The following SHC4 variants were observed in gnomAD, a reference collection of about 807,000 sequenced individuals.
SHC4 encodes SHC-transforming protein 4.
In SHC4, 41 loss-of-function variants were observed where a neutral mutation model predicts 69.4. That is an observed-to-expected ratio of 0.59 (90% CI 0.46 to 0.77). SHC4 has a LOEUF of 0.77. Ranked by LOEUF, SHC4 falls within the 30% of genes least tolerant of loss-of-function variation. The probability of loss-of-function intolerance (pLI) is 0.00; values close to 1 mark genes in which losing one functional copy is unlikely to be tolerated. For synonymous variants in SHC4, 318 were observed against 299.3 expected, an observed-to-expected ratio of 1.06 and a Z score of -0.64; for missense variants, 777 against 783.8, an observed-to-expected ratio of 0.99 and a Z score of 0.10.
chr15:48,890,977 T>G (rs941637563), intron 2 of SHC4, among the ~76,000 whole-genome samples, 166 bp from the exon 3 acceptor site: 2 of 152,200 alleles, frequency 1.3e-5, no homozygotes, highest in African/African-American at 4.8e-5. Context: ...CTGTACTTAC[T>G]CCTTCTGCAG....
At chr15:48,862,850 CCT>C (rs1402641711) in intron 6 of SHC4, among the ~76,000 whole-genome samples, 2 of 152,102 alleles carry the variant, frequency 1.3e-5, no homozygotes, top group East Asian at 1.9e-4. Flanking sequence ...CCTCCTGTCC[CCT>C]GACTACTCCT....
At position 48,826,028 on chromosome 15, in the gene SHC4, G is replaced by C. The variant is rs1028234486; in HGVS notation, c.1836C>G (p.Ser612Arg). The C allele has an allele frequency of 6.2e-7, 1 of 1,613,920 alleles. No individual in the cohort carries two copies. The highest frequency in any genetic ancestry group is 1.7e-4 in the Middle Eastern group (1 of 6,054). Residue 612 changes from serine (S) to arginine (R), a missense_variant, in exon 12 of 12, where the codon AGC (serine) becomes AGG (arginine). Ser to Arg is a moderately radical substitution (Grantham distance 110). Transcript: ENST00000332408. ...LPIISSGSEV[S>R]LKQPVRKDNN... ...TATCTTTTCTCACTGGTTGTTTAAG[G>C]CTTACTTCGCTTCCAGAGGAGATGA...
intron 2 of SHC4, among the ~76,000 whole-genome samples, chr15:48,902,237 A>G (rs1158979165): frequency 6.6e-6 from 1 of 151,956 alleles, no homozygotes; most frequent in African/African-American, 2.4e-5. Flanking sequence ...GTCTAACCTA[A>G]TTTGTACAAC....
chr15:48,861,150 A>G (rs1899432607), intron 6 of SHC4, among the ~76,000 whole-genome samples: 1 of 152,296 alleles, frequency 6.6e-6, no homozygotes, highest in East Asian at 1.9e-4. Flanking sequence ...TATTATAGAG[A>G]CAGGTGTCTC....
At chr15:48,851,043 C>G (rs1201837691) in intron 9 of SHC4, 145 bp downstream of exon 9, 7 of 681,542 alleles carry the variant, frequency 1.0e-5, no homozygotes, top group Admixed American at 8.6e-5. Flanking sequence ...CTGGGCCTAT[C>G]TGAGAAGCCT....
intron 2 of SHC4, among the ~76,000 whole-genome samples, chr15:48,919,968 A>G (rs1900714340): frequency 1.3e-5 from 2 of 151,242 alleles, no homozygotes; most frequent in African/African-American, 2.4e-5. Flanking sequence ...ACCTTTTACT[A>G]TTTACAAAAT....
At chr15:48,901,912 T>G (rs992221652) in intron 2 of SHC4, among the ~76,000 whole-genome samples, 1 of 152,178 alleles carries the variant, frequency 6.6e-6, no homozygotes, top group African/African-American at 2.4e-5. Context: ...CTTTAAGAAC[T>G]GGGTCTAGGC....
At chr15:48,852,209 G>T (rs769329997) in intron 8 of SHC4, among the ~76,000 whole-genome samples, 2 of 152,146 alleles carry the variant, frequency 1.3e-5, no homozygotes, top group Non-Finnish European at 2.9e-5. Flanking sequence ...GTACACAAGT[G>T]GCCTGCCAGA....
chr15:48,926,054 T>C (rs1379393591), intron 1 of SHC4, among the ~76,000 whole-genome samples: 1 of 151,968 alleles, frequency 6.6e-6, no homozygotes, highest in Non-Finnish European at 1.5e-5. Context: ...GATGAATTGG[T>C]TTGGGAGCTG....
intron 4 of SHC4, among the ~76,000 whole-genome samples, chr15:48,883,075 A>C (rs1444511124): frequency 6.6e-6 from 1 of 152,212 alleles, no homozygotes; most frequent in Non-Finnish European, 1.5e-5. Flanking sequence ...TTAGAAAATA[A>C]AATAGACCTC....
At chr15:48,831,306 G>A (rs776664568) in intron 11 of SHC4, among the ~76,000 whole-genome samples, 1 of 152,056 alleles carries the variant, frequency 6.6e-6, no homozygotes, top group Admixed American at 6.5e-5. Context: ...TGTTTATAAA[G>A]TGTGCAGTAG....
At position 48,838,902 on chromosome 15, in the gene SHC4, T is replaced by A. The variant is rs559096812; in HGVS notation, c.1484-3880A>T. Among the ~76,000 whole-genome samples, 5 of 152,138 alleles carry A rather than the reference T, an allele frequency of 3.3e-5. No homozygotes were observed. In the South Asian group the frequency reaches 8.3e-4, roughly 25 times the overall value. ...GTCAAGGGGAATAAATATTTTATTA[T>A]GAAAATAAAACTATGAAGCCAATAT... is the stretch of plus-strand genomic sequence containing the variant. On this transcript the variant is annotated intron_variant, in intron 10 of 11. Coordinates refer to ENST00000332408, the MANE Select transcript of SHC4 (RefSeq NM_203349.4).
At chr15:48,837,771 A>G (rs1362076896) in intron 10 of SHC4, among the ~76,000 whole-genome samples, 1 of 152,210 alleles carries the variant, frequency 6.6e-6, no homozygotes, top group East Asian at 1.9e-4. Flanking sequence ...CAGACCTTCA[A>G]GAAAGCACAG....
At chr15:48,852,831 G>C (rs1595732368) in intron 8 of SHC4, among the ~76,000 whole-genome samples, 1 of 152,010 alleles carries the variant, frequency 6.6e-6, no homozygotes, top group East Asian at 1.9e-4. Context: ...GAACCTGGGA[G>C]GCGGAGGTTG....
At chr15:48,895,214 C>T (rs963174857) in intron 2 of SHC4, among the ~76,000 whole-genome samples, 4 of 152,238 alleles carry the variant, frequency 2.6e-5, no homozygotes, top group Admixed American at 2.6e-4. Flanking sequence ...ACTTTACCCT[C>T]ATTTTACCAA....
chr15:48,934,139 G>GA (rs1901023941), intron 1 of SHC4, among the ~76,000 whole-genome samples: 1 of 151,958 alleles, frequency 6.6e-6, no homozygotes, highest in African/African-American at 2.4e-5. Flanking sequence ...AGAAGAAAGT[G>GA]AAAAAACCAC....
chr15:48,864,524 T>G (rs991306832), intron 6 of SHC4, among the ~76,000 whole-genome samples: 1 of 136,356 alleles, frequency 7.3e-6, no homozygotes, highest in Non-Finnish European at 1.5e-5. Context: ...CTTGGCTCAC[T>G]GCAAGCTCCG....
At chr15:48,921,685 C>T (rs1003537991) in intron 2 of SHC4, among the ~76,000 whole-genome samples, 4 of 152,024 alleles carry the variant, frequency 2.6e-5, no homozygotes, top group Non-Finnish European at 5.9e-5. Context: ...TTTTCATCTT[C>T]GGGAAGATGA....
chr15:48,857,760 T>C lies in SHC4; in HGVS notation c.1002A>G (p.Ile334Met), dbSNP rs367824536. 2 of 1,606,284 alleles carry C rather than the reference T, an allele frequency of 1.2e-6. No homozygotes were observed. Among genetic ancestry groups the C allele is most frequent in the Non-Finnish European group, 1.7e-6 (2 of 1,175,252 alleles). Residue 334 changes from isoleucine to methionine, a missense_variant, in exon 7 of 12, where the codon ATA becomes ATG. Ile to Met is a conservative substitution (Grantham distance 10, BLOSUM62 1). Coordinates refer to ENST00000332408, the MANE Select transcript of SHC4 (RefSeq NM_203349.4). ...TAAACCGGAGTTCAAAAGCCTGCCCTATGGTACTTATGACGTCTTGGGCCA... is the reference window on the plus strand; with the variant it reads ...TAAACCGGAGTTCAAAAGCCTGCCCCATGGTACTTATGACGTCTTGGGCCA... Reference protein sequence around the residue: ...NGMAQDVISTIGQAFELRFKQ... With the variant: ...NGMAQDVISTMGQAFELRFKQ...
Sources: allele counts gnomAD v4.1 joint callset (sites outside exome capture counted in the v4.1 genomes callset), GRCh38; gene constraint gnomAD v4.1.1; transcripts MANE v1.5; gene names NCBI Gene and HGNC (gene_info 2026-07-23, HGNC 2026-07-21).